LBX2: variants seen among roughly 807,000 people sequenced by gnomAD.
The protein encoded by LBX2 is transcription factor LBX2.
LBX2 carries 6 observed loss-of-function variants against 7.5 expected under a neutral mutation model. The ratio of observed to expected loss-of-function variants is 0.80; its 90% CI spans 0.44 to 1.59. The LOEUF is 1.59. Among genes scored for constraint, LBX2 ranks in the 40% most tolerant of loss-of-function variants. The pLI, the probability that LBX2 is intolerant of heterozygous loss-of-function variation, is 0.01. For synonymous variants in LBX2, 143 were observed against 133.2 expected (o/e 1.07, Z -0.51); for missense variants, 281 against 282.0 (o/e 1.00, Z 0.03).
chr2:74,499,820 C>T (rs12473841), upstream of LBX2: 1,362 of 531,094 alleles, frequency 2.6e-3, 3 homozygotes, highest in Non-Finnish European at 3.9e-3. The surrounding 1 kb of genome is among the most constrained non-coding windows in gnomAD (Gnocchi z 4.6). Flanking sequence ...CGGGGCTGCT[C>T]CGCGCTGCGG....
At chr2:74,501,705 C>T (rs115930505), upstream of LBX2, 1,325 of 152,302 alleles carry the variant, frequency 8.7e-3, 16 homozygotes, top group African/African-American at 0.017. Context: ...GTCGTCAAAG[C>T]GGCCAGGGAC....
upstream of LBX2, chr2:74,502,754 G>T (rs138587545): frequency 7.8e-4 from 1,251 of 1,614,068 alleles, 14 homozygotes; most frequent in South Asian, 7.9e-3. This position sits in a 1 kb window ranked among gnomAD's most constrained non-coding sequence, Gnocchi z 5.4. Flanking sequence ...CCTCCCGGGC[G>T]TGCGGGCCGG....
In LBX2 at chr2:74,499,103, G is replaced by T. The variant is rs1174978191; in HGVS notation, c.205+230C>A. The stretch of plus-strand genomic sequence containing the variant: ...AGCAACAGGTCGCTCAGTTGGCGAC[G>T]GTCTGCCCTTTTCCCTTGGCACTGG... On this transcript the variant is annotated intron_variant, in intron 1 of 1. Transcript: ENST00000377566. The surrounding 1 kb of genome is among the most constrained non-coding windows in gnomAD (Gnocchi z 4.6). 7 of 592,322 alleles carry T rather than the reference G, an allele frequency of 1.2e-5. No individual in the cohort carries two copies. In the Admixed American group the frequency reaches 1.2e-4, roughly 10 times the overall value. 36.7% of individuals were successfully genotyped at this position (592,322 alleles called of 1,614,324 possible).
In LBX2 at chr2:74,499,565, G is replaced by C. The variant is rs1281828675; in HGVS notation, c.-28C>G. ...TCGGCCGGGCTGGGGCGGTCCGGCTGTCCGTTGCGCTAGGCTCCGCAAACG... is the reference window on the plus strand; with the variant it reads ...TCGGCCGGGCTGGGGCGGTCCGGCTCTCCGTTGCGCTAGGCTCCGCAAACG... On this transcript the variant is annotated 5_prime_UTR_variant, in exon 1 of 2. Coordinates refer to ENST00000377566, the MANE Select transcript of LBX2 (RefSeq NM_001282430.2). The surrounding 1 kb of genome is among the most constrained non-coding windows in gnomAD (Gnocchi z 4.6). The C allele has an allele frequency of 6.5e-7, 1 of 1,539,322 alleles. No homozygotes were observed. The highest frequency in any genetic ancestry group is 1.2e-5 in the South Asian group (1 of 83,630).
chr2:74,501,630 G>C (rs1674485921), upstream of LBX2: 1 of 152,372 alleles, frequency 6.6e-6, no homozygotes, highest in Non-Finnish European at 1.5e-5. Context: ...CATGAGTTTG[G>C]GGGAGGAGAT....
upstream of LBX2, chr2:74,502,787 T>C (rs762053063): frequency 1.2e-6 from 2 of 1,613,958 alleles, no homozygotes; most frequent in South Asian, 2.2e-5. The surrounding 1 kb of genome is among the most constrained non-coding windows in gnomAD (Gnocchi z 5.4). Flanking sequence ...GGTGGGAAAC[T>C]CCGACGCCCT....
Position 74,498,331 on chromosome 2 carries a change from G to A in LBX2, c.206-13C>T, listed in dbSNP as rs1674407204. 1 of 1,495,544 alleles carries A rather than the reference G, an allele frequency of 6.7e-7. No homozygotes were observed. Among genetic ancestry groups the A allele is most frequent in the Non-Finnish European group, 8.9e-7 (1 of 1,127,342 alleles). 92.6% of individuals were successfully genotyped at this position (1,495,544 alleles called of 1,614,324 possible). A position where few individuals can be genotyped will look rare whatever the true frequency, so the allele number is the denominator to read the frequency against. The stretch of plus-strand genomic sequence containing the variant: ...GGACCTGCCCGCCCTGTAGGGATAG[G>A]GAGGGGGTCAGTTTCCAGCCTCCGG... On this transcript the variant is annotated splice_polypyrimidine_tract_variant and intron_variant, in intron 1 of 1. Coordinates refer to ENST00000377566, the MANE Select transcript of LBX2 (RefSeq NM_001282430.2).
Position 74,498,182 on chromosome 2 carries a change from C to A in LBX2, c.342G>T (p.Glu114Asp). 6.2e-7 allele frequency: 1 copy of A among 1,612,436 alleles called. No homozygotes were observed. Among genetic ancestry groups the A allele is most frequent in the Non-Finnish European group, 8.5e-7 (1 of 1,179,528 alleles). The change falls in exon 2 of 2, where the codon GAG (glutamate) becomes GAT (aspartate). Residue 114 changes from glutamate (E) to aspartate (D), a missense_variant. Coordinates refer to ENST00000377566, the MANE Select transcript of LBX2 (RefSeq NM_001282430.2). ...CGAGTCGCGTAGCTAGCCCGTCTCG[C>A]TCGGACGGCGCCAGGTACTTCTGGA... is the stretch of plus-strand genomic sequence containing the variant. ...FVFQKYLAPS[E>D]RDGLATRLGL...
Position 74,499,175 on chromosome 2 carries a change from G to A in LBX2, c.205+158C>T. ...GAACCTAGGGACTAACGGAGGAGAGGTGAGAAGTCGCAGGTGCGAGTCCTG... is the reference window on the plus strand; with the variant it reads ...GAACCTAGGGACTAACGGAGGAGAGATGAGAAGTCGCAGGTGCGAGTCCTG... On this transcript the variant is annotated intron_variant, in intron 1 of 1. Transcript: ENST00000377566. The surrounding 1 kb of genome is among the most constrained non-coding windows in gnomAD (Gnocchi z 4.6). 3.0e-6 allele frequency: 2 copies of A among 672,126 alleles called. No homozygotes were observed. The highest frequency in any genetic ancestry group is 1.8e-5 in the African/African-American group (1 of 55,534). 41.6% of individuals were successfully genotyped at this position (672,126 alleles called of 1,614,324 possible). A position where few individuals can be genotyped will look rare whatever the true frequency, so the allele number is the denominator to read the frequency against.
upstream of LBX2, chr2:74,501,581 G>C (rs765992797): frequency 6.6e-6 from 1 of 152,258 alleles, no homozygotes; most frequent in Non-Finnish European, 1.5e-5. Context: ...TCTCCCCTCT[G>C]CAGCTGGGCT....
chr2:74,499,291 G>C lies in LBX2; in HGVS notation c.205+42C>G. On this transcript the variant is annotated intron_variant, in intron 1 of 1. Coordinates refer to ENST00000377566, the MANE Select transcript of LBX2 (RefSeq NM_001282430.2). This position sits in a 1 kb window ranked among gnomAD's most constrained non-coding sequence, Gnocchi z 4.6. ...GGGGAACCAGGAGGAGAGAGGTGAG[G>C]AAAAGGCTAAGTCAGAGTCCGCGAC... is the stretch of plus-strand genomic sequence containing the variant. The C allele has an allele frequency of 6.6e-7, 1 of 1,508,580 alleles. No individual in the cohort carries two copies. The highest frequency in any genetic ancestry group is 1.4e-5 in the African/African-American group (1 of 72,354). The allele number at this position is 1,508,580 out of a possible 1,614,324, so 93.4% of individuals were successfully genotyped here.
chr2:74,499,921 C>A (rs1558592182), upstream of LBX2, among the ~76,000 whole-genome samples: 1 of 152,226 alleles, frequency 6.6e-6, no homozygotes, highest in Non-Finnish European at 1.5e-5. The surrounding 1 kb of genome is among the most constrained non-coding windows in gnomAD (Gnocchi z 4.6). Flanking sequence ...GGCTCATAAA[C>A]TAGTAGACGA....
rs114863168 is a variant in LBX2 at position 74,497,902 on chromosome 2, C to G, written c.*25G>C. ...AGGTGAGGAGTCCAGGGCCCCAGAG[C>G]CCAGGATTGGCGGCGGCTTTGTCTT... On this transcript the variant is annotated 3_prime_UTR_variant, in exon 2 of 2. Transcript: ENST00000377566. 8,880 of 1,525,312 alleles carry G rather than the reference C, an allele frequency of 5.8e-3. 59 individuals carry two copies. Among genetic ancestry groups the G allele is most frequent in the African/African-American group, 0.016 (1,194 of 72,512 alleles). 94.5% of individuals were successfully genotyped at this position (1,525,312 alleles called of 1,614,324 possible). A position where few individuals can be genotyped will look rare whatever the true frequency, so the allele number is the denominator to read the frequency against.
chr2:74,501,681 G>C (rs1335314368), upstream of LBX2: 2 of 152,394 alleles, frequency 1.3e-5, no homozygotes, highest in Non-Finnish European at 2.9e-5. Context: ...CAGGACAGCA[G>C]AGGCCCCTCT....
chr2:74,499,630 C>CT, upstream of LBX2: 2 of 1,355,664 alleles, frequency 1.5e-6, no homozygotes, highest in South Asian at 2.9e-5. The surrounding 1 kb of genome is among the most constrained non-coding windows in gnomAD (Gnocchi z 4.6). Flanking sequence ...GGGCCCCCAG[C>CT]CTCGGACCCG....
upstream of LBX2, chr2:74,503,048 G>T (rs1674531758): frequency 1.8e-6 from 1 of 558,960 alleles, no homozygotes; most frequent in Non-Finnish European, 3.1e-6. The surrounding 1 kb of genome is among the most constrained non-coding windows in gnomAD (Gnocchi z 5.1). Flanking sequence ...GCGCAGCACG[G>T]CCGAGTGCGT....
At position 74,499,381 on chromosome 2, in the gene LBX2, T is replaced by A. The variant is rs755169116; in HGVS notation, c.157A>T (p.Ser53Cys). The change falls in exon 1 of 2, where the codon AGT (serine) becomes TGT (cysteine). Residue 53 changes from serine (S) to cysteine (C), a missense_variant. By Grantham distance (112) the Ser-to-Cys change is moderately radical. Coordinates refer to ENST00000377566, the MANE Select transcript of LBX2 (RefSeq NM_001282430.2). This position sits in a 1 kb window ranked among gnomAD's most constrained non-coding sequence, Gnocchi z 4.6. ...GCGTCAAGTCCGCGGAAAGTTTTAC[T>A]AGTCAGCTCCTCCAGCGCGCACAGC... ...SPLCALEELT[S>C]KTFRGLDARA... 1 of 1,550,598 alleles carries A rather than the reference T, an allele frequency of 6.4e-7. No individual in the cohort carries two copies. Among genetic ancestry groups the A allele is most frequent in the Non-Finnish European group, 8.7e-7 (1 of 1,146,988 alleles).
Position 74,497,708 on chromosome 2 carries a change from T to C in LBX2, c.*219A>G, listed in dbSNP as rs1215638559. On this transcript the variant is annotated 3_prime_UTR_variant, in exon 2 of 2. Coordinates refer to ENST00000377566, the MANE Select transcript of LBX2 (RefSeq NM_001282430.2). ...AGGAGGTCGCGACTGCAGTGAGCGG[T>C]GATCGCTCCACGGCACTCCAGCCTG... 1 of 506,584 alleles carries C rather than the reference T, an allele frequency of 2.0e-6. No homozygotes were observed. The highest frequency in any genetic ancestry group is 3.8e-5 in the Admixed American group (1 of 26,312). The allele number at this position is 506,584 out of a possible 1,614,324, so 31.4% of individuals were successfully genotyped here.
upstream of LBX2, chr2:74,502,551 C>A: frequency 1.9e-6 from 2 of 1,072,740 alleles, no homozygotes; most frequent in East Asian, 5.0e-5. This position sits in a 1 kb window ranked among gnomAD's most constrained non-coding sequence, Gnocchi z 5.4. Flanking sequence ...GAGCAAAGTC[C>A]AGGCGGAGGA....
Sources: allele counts gnomAD v4.1 joint callset (sites outside exome capture counted in the v4.1 genomes callset), GRCh38; gene constraint gnomAD v4.1.1; non-coding constraint Gnocchi (gnomAD v3.1); transcripts MANE v1.5; gene names NCBI Gene and HGNC (gene_info 2026-07-23, HGNC 2026-07-21).